The following JAZF1 variants were observed in gnomAD, a reference collection of about 807,000 sequenced individuals.
JAZF1 encodes juxtaposed with another zinc finger protein 1.
Under a neutral mutation model 26.4 loss-of-function variants are expected in JAZF1, and 8 were observed. The ratio of observed to expected loss-of-function variants is 0.30; its 90% CI spans 0.18 to 0.55. The LOEUF is 0.55. Ranked by LOEUF, JAZF1 falls within the 20% of genes least tolerant of loss-of-function variation. The pLI, the probability that JAZF1 is intolerant of heterozygous loss-of-function variation, is 0.94. For missense variants in JAZF1, 199 were observed against 322.0 expected (o/e 0.62, Z 2.92); for synonymous variants, 126 against 122.3 (o/e 1.03, Z -0.20).
At chr7:28,043,707 T>G (rs549025735) in intron 1 of JAZF1, among the ~76,000 whole-genome samples, 1 of 152,006 alleles carries the variant, frequency 6.6e-6, no homozygotes, top group Non-Finnish European at 1.5e-5. Context: ...GCATTATCCA[T>G]AGTAGCCAGA....
rs1275700980 is a variant in JAZF1 at position 27,956,338 on chromosome 7, C to T, written c.188+35571G>A. On this transcript the variant is annotated intron_variant, in intron 2 of 4. Transcript: ENST00000283928. The stretch of plus-strand genomic sequence containing the variant: ...GTCCGGACCTTTGACTCAATTACTT[C>T]CCTCACTGATTCTGCCAGGTGACCA... Among the ~76,000 whole-genome samples, 3 of 152,240 alleles carry T rather than the reference C, an allele frequency of 2.0e-5. No homozygotes were observed. The East Asian group carries it at 5.8e-4, about 29-fold the overall frequency.
intron 1 of JAZF1, among the ~76,000 whole-genome samples, chr7:28,108,702 T>A (rs771396610): frequency 6.6e-6 from 1 of 152,214 alleles, no homozygotes; most frequent in African/African-American, 2.4e-5. Flanking sequence ...CACTTCTGGA[T>A]AGATGCCCAA....
chr7:27,914,996 C>T (rs1233039410), intron 2 of JAZF1, among the ~76,000 whole-genome samples: 2 of 152,166 alleles, frequency 1.3e-5, no homozygotes, highest in East Asian at 3.8e-4. Flanking sequence ...TAGACCCAGC[C>T]TCAGCAACCA....
At chr7:28,078,435 T>C (rs1283042496) in intron 1 of JAZF1, among the ~76,000 whole-genome samples, 1 of 152,232 alleles carries the variant, frequency 6.6e-6, no homozygotes, top group Non-Finnish European at 1.5e-5. Context: ...TCATTTCTTT[T>C]TGCAGAAGCC....
chr7:27,848,872 A>G (rs551064775), intron 3 of JAZF1, among the ~76,000 whole-genome samples: 96 of 152,324 alleles, frequency 6.3e-4, no homozygotes, highest in African/African-American at 2.2e-3. Context: ...GCTGCCTAAG[A>G]ATGGGCAAAT....
chr7:28,076,637 A>C (rs956082072), intron 1 of JAZF1, among the ~76,000 whole-genome samples: 12 of 150,770 alleles, frequency 8.0e-5, no homozygotes, highest in African/African-American at 2.9e-4. Flanking sequence ...TGGAATTCAG[A>C]GTGAATGCTA....
intron 1 of JAZF1, among the ~76,000 whole-genome samples, chr7:28,020,398 C>A (rs941436479): frequency 6.6e-6 from 1 of 152,078 alleles, no homozygotes; most frequent in Non-Finnish European, 1.5e-5. Flanking sequence ...ATCGGAAATG[C>A]AGCCTGTGGG....
chr7:28,085,242 A>G (rs1784196243), intron 1 of JAZF1, among the ~76,000 whole-genome samples: 1 of 152,228 alleles, frequency 6.6e-6, no homozygotes, highest in Non-Finnish European at 1.5e-5. Flanking sequence ...TTATGTGGCT[A>G]ACAGGCATAA....
At chr7:28,166,502 G>A (rs1316395165) in intron 1 of JAZF1, among the ~76,000 whole-genome samples, 3 of 152,118 alleles carry the variant, frequency 2.0e-5, no homozygotes, top group East Asian at 3.9e-4. Context: ...CAAATCTTTC[G>A]AATGATTCAC....
intron 1 of JAZF1, among the ~76,000 whole-genome samples, chr7:28,100,344 A>G (rs113458050): frequency 1.3e-5 from 2 of 152,218 alleles, no homozygotes; most frequent in African/African-American, 2.4e-5. Context: ...AAACTTGTAT[A>G]AAGTAAATCA....
chr7:27,933,014 A>G (rs909653648), intron 2 of JAZF1, among the ~76,000 whole-genome samples: 19 of 152,204 alleles, frequency 1.2e-4, no homozygotes, highest in African/African-American at 4.3e-4. Context: ...AGGCCAGGAG[A>G]TGCTTTACAA....
chr7:27,911,789 G>C (rs1359316668), intron 2 of JAZF1, among the ~76,000 whole-genome samples: 1 of 152,070 alleles, frequency 6.6e-6, no homozygotes, highest in Non-Finnish European at 1.5e-5. Flanking sequence ...AGAAAACTAA[G>C]GGAGCAAGCA....
At chr7:27,935,441 G>C (rs1026596190) in intron 2 of JAZF1, among the ~76,000 whole-genome samples, 4 of 152,196 alleles carry the variant, frequency 2.6e-5, no homozygotes, top group African/African-American at 9.6e-5. Flanking sequence ...AATGAAAGCA[G>C]CCAGACACTT....
intron 2 of JAZF1, among the ~76,000 whole-genome samples, chr7:27,989,546 T>G (rs1261806950): frequency 1.3e-5 from 2 of 152,198 alleles, no homozygotes; most frequent in African/African-American, 4.8e-5. Context: ...GACAAAGGGC[T>G]AATATCCAGA....
intron 2 of JAZF1, among the ~76,000 whole-genome samples, chr7:27,990,481 A>G (rs1785878767): frequency 6.6e-6 from 1 of 152,102 alleles, no homozygotes; most frequent in Admixed American, 6.6e-5. Context: ...GCTGTCCAAC[A>G]TGGCTGACAA....
chr7:27,930,480 C>G (rs576547920), intron 2 of JAZF1, among the ~76,000 whole-genome samples: 6 of 152,286 alleles, frequency 3.9e-5, no homozygotes, highest in African/African-American at 1.4e-4. Context: ...CCAACCTTGT[C>G]CTTTTCTCCC....
intron 3 of JAZF1, among the ~76,000 whole-genome samples, chr7:27,858,799 C>A (rs1195855803): frequency 6.6e-6 from 1 of 152,128 alleles, no homozygotes; most frequent in Non-Finnish European, 1.5e-5. Flanking sequence ...CTAGGCAATA[C>A]CATTCAGGAC....
chr7:28,066,896 A>T (rs1221778321), intron 1 of JAZF1, among the ~76,000 whole-genome samples: 3 of 152,182 alleles, frequency 2.0e-5, no homozygotes, highest in African/African-American at 7.2e-5. Flanking sequence ...TATCCAAAAA[A>T]ACCCTACAAA....
chr7:27,837,116 C>T (rs1288123280), intron 4 of JAZF1, among the ~76,000 whole-genome samples: 3 of 152,120 alleles, frequency 2.0e-5, no homozygotes, highest in Non-Finnish European at 4.4e-5. Context: ...CAGAGGACTC[C>T]AGAGGAACTT....
Sources: gnomAD v4.1 joint callset for allele counts (sites outside exome capture counted in the v4.1 genomes callset) on GRCh38, gnomAD v4.1.1 for gene constraint, MANE v1.5 for transcripts, NCBI Gene and HGNC (gene_info 2026-07-23, HGNC 2026-07-21) for gene names.